The following RCBTB2 variants were observed in gnomAD, a reference collection of about 807,000 sequenced individuals.
The protein encoded by RCBTB2 is RCC1 and BTB domain containing protein 2.
A neutral mutation model predicts 65.4 loss-of-function variants in RCBTB2; 55 were observed. That is an observed-to-expected ratio of 0.84 (90% confidence interval 0.68 to 1.05). The LOEUF is 1.05. RCBTB2 is among the 50% of genes least tolerant of loss of function. RCBTB2 has a pLI of 0.00. For synonymous variants in RCBTB2, 220 were observed against 255.2 expected (o/e 0.86, Z 1.31); for missense variants, 599 against 680.1 (o/e 0.88, Z 1.33).
In RCBTB2 at chr13:48,512,765, C is replaced by CCGGT. The variant is rs1566300129; in HGVS notation, c.479_480insACCG (p.Ser161ProfsTer11). 1 of 1,613,964 alleles carries CCGGT rather than the reference C, an allele frequency of 6.2e-7. No individual in the cohort carries two copies. Among genetic ancestry groups the CCGGT allele is most frequent in the East Asian group, 2.2e-5 (1 of 44,868 alleles). On this transcript the variant is annotated frameshift_variant, in exon 7 of 15. Coordinates refer to ENST00000344532, the MANE Select transcript of RCBTB2 (RefSeq NM_001268.4). LOFTEE classifies it high-confidence loss of function. ...ATGTTAGCACCAAAGAATGGTAAGACCCACAGGCAACTTCAATGACTTGTT... is the reference window on the plus strand; with the variant it reads ...ATGTTAGCACCAAAGAATGGTAAGACCGGTCCACAGGCAACTTCAATGACTTGTT...
At chr13:48,493,442 A>T (rs1257146580) in intron 14 of RCBTB2, among the ~76,000 whole-genome samples, 1 of 151,330 alleles carries the variant, frequency 6.6e-6, no homozygotes, top group Non-Finnish European at 1.5e-5. Flanking sequence ...TGCCCATCAT[A>T]TCTGCTCCTC....
At chr13:48,505,612 GCCT>G (rs1178773347) in intron 10 of RCBTB2, among the ~76,000 whole-genome samples, 1 of 152,186 alleles carries the variant, frequency 6.6e-6, no homozygotes, top group Non-Finnish European at 1.5e-5. Flanking sequence ...TTACTGGCAA[GCCT>G]CCTAAGTTAC....
chr13:48,535,549 C>T (rs1337960699), upstream of RCBTB2: 3 of 414,062 alleles, frequency 7.2e-6, no homozygotes, highest in East Asian at 7.1e-5. Context: ...AGCTATCATG[C>T]TTGGCCCTCC....
chr13:48,494,884 G>GA (rs892877963), intron 14 of RCBTB2, among the ~76,000 whole-genome samples: 2 of 151,122 alleles, frequency 1.3e-5, no homozygotes, highest in Non-Finnish European at 3.0e-5. Context: ...AATGTTAAGT[G>GA]AAAAAAAATC....
chr13:48,502,661 T>G, intron 11 of RCBTB2, 63 bp downstream of exon 11: 1 of 1,479,364 alleles, frequency 6.8e-7, no homozygotes, highest in Non-Finnish European at 9.2e-7. Flanking sequence ...ATTATCAAAG[T>G]AAAGCCCTGA....
chr13:48,533,051 C>T lies in RCBTB2; in HGVS notation c.-242G>A. 1 of 454,742 alleles carries T rather than the reference C, an allele frequency of 2.2e-6. No homozygotes were observed. The highest frequency in any genetic ancestry group is 4.4e-6 in the Non-Finnish European group (1 of 226,188). 28.2% of individuals were successfully genotyped at this position (454,742 alleles called of 1,614,324 possible). A position where few individuals can be genotyped will look rare whatever the true frequency, so the allele number is the denominator to read the frequency against. On this transcript the variant is annotated 5_prime_UTR_variant, in exon 1 of 15. Coordinates refer to ENST00000344532, the MANE Select transcript of RCBTB2 (RefSeq NM_001268.4). ...ACCTCCTCGCAGGCCGGAGCCTTGT[C>T]CGCTCCGCCTCCTGGGTAGCGGTTA...
intron 10 of RCBTB2, among the ~76,000 whole-genome samples, chr13:48,505,861 G>A (rs1203943645): frequency 2.6e-5 from 4 of 152,172 alleles, no homozygotes; most frequent in South Asian, 4.1e-4. Context: ...GCTGAGAACC[G>A]AAAAAGGCTT....
At position 48,496,274 on chromosome 13, in the gene RCBTB2, G is replaced by A. The variant is rs765877141; in HGVS notation, c.1432C>T (p.Leu478Phe). The change falls in exon 14 of 15, where the codon CTC becomes TTC. Residue 478 changes from leucine (L) to phenylalanine (F), a missense_variant. Transcript: ENST00000344532. ...TFYRENRLKK[L>F]CQQTIKQGIC... ...CCTTGCTTGATAGTTTGTTGGCAGA[G>A]CTTTTTCAAACGATTTTCTCTATAA... is the stretch of plus-strand genomic sequence containing the variant. The A allele has an allele frequency of 3.8e-6, 6 of 1,591,976 alleles. No individual in the cohort carries two copies. The highest frequency in any genetic ancestry group is 4.3e-6 in the Non-Finnish European group (5 of 1,169,148).
intron 2 of RCBTB2, among the ~76,000 whole-genome samples, 180 bp downstream of exon 2, chr13:48,524,479 A>C (rs1411981373): frequency 2.6e-5 from 4 of 152,338 alleles, no homozygotes; most frequent in African/African-American, 9.6e-5. Context: ...AACGTGACCA[A>C]TAGTCACCAA....
chr13:48,532,891 GCC>G, intron 1 of RCBTB2, 135 bp downstream of exon 1: 2 of 435,306 alleles, frequency 4.6e-6, no homozygotes, highest in Non-Finnish European at 9.3e-6. Context: ...AGTCCCCTGG[GCC>G]CCTCAGCTGT....
chr13:48,501,644 T>A lies in RCBTB2; in HGVS notation c.1244+98A>T, dbSNP rs1308203608. 5.0e-6 allele frequency: 5 copies of A among 1,005,630 alleles called. No individual in the cohort carries two copies. The African/African-American group carries it at 6.5e-5, about 13-fold the overall frequency. 62.3% of individuals were successfully genotyped at this position (1,005,630 alleles called of 1,614,324 possible). ...TGTAAGAGCAAAAACAGCCTTACAA[T>A]TTTTCTTGATTACTGAGGTGCCTAA... On this transcript the variant is annotated intron_variant, in intron 12 of 14. Coordinates refer to ENST00000344532, the MANE Select transcript of RCBTB2 (RefSeq NM_001268.4).
chr13:48,508,517 C>G (rs887050446), intron 10 of RCBTB2, among the ~76,000 whole-genome samples: 12 of 151,800 alleles, frequency 7.9e-5, no homozygotes, highest in Non-Finnish European at 1.2e-4. Flanking sequence ...GATTCTCGTG[C>G]CTCAGCCTCC....
chr13:48,533,053 G>T lies in RCBTB2; in HGVS notation c.-244C>A, dbSNP rs760945817. On this transcript the variant is annotated 5_prime_UTR_variant, in exon 1 of 15. Coordinates refer to ENST00000344532, the MANE Select transcript of RCBTB2 (RefSeq NM_001268.4). ...CTCCTCGCAGGCCGGAGCCTTGTCC[G>T]CTCCGCCTCCTGGGTAGCGGTTACT... is the stretch of plus-strand genomic sequence containing the variant. 2.2e-6 allele frequency: 1 copy of T among 454,290 alleles called. No individual in the cohort carries two copies. Among genetic ancestry groups the T allele is most frequent in the South Asian group, 1.5e-5 (1 of 64,524 alleles). 28.1% of individuals were successfully genotyped at this position (454,290 alleles called of 1,614,324 possible). A position where few individuals can be genotyped will look rare whatever the true frequency, so the allele number is the denominator to read the frequency against.
intron 10 of RCBTB2, among the ~76,000 whole-genome samples, chr13:48,503,212 G>C (rs1353068709): frequency 2.0e-5 from 3 of 152,082 alleles, no homozygotes; most frequent in Non-Finnish European, 4.4e-5. Context: ...ATCCTGTTTT[G>C]AAATTCAAGT....
At chr13:48,516,059 G>A (rs1394678567) in intron 4 of RCBTB2, among the ~76,000 whole-genome samples, 2 of 151,476 alleles carry the variant, frequency 1.3e-5, no homozygotes, top group Admixed American at 1.3e-4. Flanking sequence ...CTTAAAAGTA[G>A]CTGTGGAAAC....
At chr13:48,493,872 GGATT>G (rs1949856433) in intron 14 of RCBTB2, among the ~76,000 whole-genome samples, 1 of 152,052 alleles carries the variant, frequency 6.6e-6, no homozygotes, top group African/African-American at 2.4e-5. Flanking sequence ...CAGAGATTTT[GGATT>G]GTTTTGTTCA....
intron 1 of RCBTB2, chr13:48,532,754 C>T: frequency 3.3e-6 from 1 of 303,922 alleles, no homozygotes; most frequent in Non-Finnish European, 6.5e-6. Context: ...AGCGGAATTG[C>T]GCATGCGCAG....
At chr13:48,533,377 T>C (rs1256815996), upstream of RCBTB2, 2 of 260,266 alleles carry the variant, frequency 7.7e-6, no homozygotes, top group Non-Finnish European at 1.5e-5. Context: ...TCCAGGGTTA[T>C]GTTCTCGCAA....
chr13:48,507,674 A>C (rs575379149), intron 10 of RCBTB2, among the ~76,000 whole-genome samples: 1 of 152,348 alleles, frequency 6.6e-6, no homozygotes, highest in South Asian at 2.1e-4. Context: ...AGAAACAGCA[A>C]AGATGACAGA....
Sources: gnomAD v4.1 joint callset for allele counts (sites outside exome capture counted in the v4.1 genomes callset) on GRCh38, gnomAD v4.1.1 for gene constraint, MANE v1.5 for transcripts, NCBI Gene and HGNC (gene_info 2026-07-23, HGNC 2026-07-21) for gene names.